PTPRM: variants seen among roughly 807,000 people sequenced by gnomAD.
PTPRM encodes receptor-type tyrosine-protein phosphatase mu.
In PTPRM, 47 loss-of-function variants were observed where a neutral mutation model predicts 186.7. The ratio of observed to expected loss-of-function variants is 0.25; its 90% CI spans 0.20 to 0.32. The LOEUF (loss-of-function observed/expected upper bound fraction) is 0.32. Among genes scored for constraint, PTPRM ranks in the 10% least tolerant of loss-of-function variants. The probability of loss-of-function intolerance (pLI) is 1.00; values close to 1 mark genes in which losing one functional copy is unlikely to be tolerated. For missense variants in PTPRM, 1,494 were observed against 1,865.0 expected, an observed-to-expected ratio of 0.80 and a Z score of 3.66; for synonymous variants, 668 against 674.9, an observed-to-expected ratio of 0.99 and a Z score of 0.16.
chr18:8,271,401 T>A (rs1285759383), intron 19 of PTPRM, among the ~76,000 whole-genome samples: 5 of 151,966 alleles, frequency 3.3e-5, no homozygotes, highest in Non-Finnish European at 7.4e-5. Context: ...TGATATATAT[T>A]AAACATTGCT....
Position 8,001,188 on chromosome 18 carries a change from G to A in PTPRM, c.1132+45774G>A, listed in dbSNP as rs116127409. On this transcript the variant is annotated intron_variant, in intron 7 of 32. Coordinates refer to ENST00000580170, the MANE Select transcript of PTPRM (RefSeq NM_001105244.2). Reference sequence around the variant, plus strand: ...TCTTGCTGTCTCTGACAGCATTGGCGAGGGGTCTGAATTCGTTGCAAGTCT... The same window carrying A: ...TCTTGCTGTCTCTGACAGCATTGGCAAGGGGTCTGAATTCGTTGCAAGTCT... Among the ~76,000 whole-genome samples the A allele has an allele frequency of 6.2e-3, 950 of 152,268 alleles. 13 individuals carry two copies. The highest frequency in any genetic ancestry group is 0.021 in the African/African-American group (875 of 41,554).
chr18:7,964,985 G>GT (rs1295816031), intron 7 of PTPRM, among the ~76,000 whole-genome samples: 1 of 147,772 alleles, frequency 6.8e-6, no homozygotes. Flanking sequence ...CATGATAAGT[G>GT]TTTTTGACAC....
chr18:8,301,842 G>A lies in PTPRM; in HGVS notation c.2842+5387G>A, dbSNP rs116989237. ...GCAGGGAATGGAGATTGGTCAGGGTGGGTGATGTTTTTAGACTGTGGTCAA... is the reference window on the plus strand; with the variant it reads ...GCAGGGAATGGAGATTGGTCAGGGTAGGTGATGTTTTTAGACTGTGGTCAA... On this transcript the variant is annotated intron_variant, in intron 20 of 32. Coordinates refer to ENST00000580170, the MANE Select transcript of PTPRM (RefSeq NM_001105244.2). Among the ~76,000 whole-genome samples the A allele has an allele frequency of 3.0e-3, 459 of 152,342 alleles. 20 individuals are homozygous for A. The East Asian group carries it at 0.07, about 23-fold the overall frequency.
At chr18:7,710,683 C>T (rs1468961107) in intron 1 of PTPRM, among the ~76,000 whole-genome samples, 2 of 152,162 alleles carry the variant, frequency 1.3e-5, no homozygotes, top group Admixed American at 6.5e-5. Flanking sequence ...ATTTGATAAA[C>T]AAATTCAGTA....
chr18:7,865,391 A>G (rs1307258045), intron 2 of PTPRM, among the ~76,000 whole-genome samples: 3 of 152,214 alleles, frequency 2.0e-5, no homozygotes, highest in Non-Finnish European at 4.4e-5. Flanking sequence ...AGTTTTTAGC[A>G]TAAAGGGTGT....
intron 7 of PTPRM, among the ~76,000 whole-genome samples, chr18:7,982,087 A>C (rs1156270644): frequency 6.6e-6 from 1 of 152,088 alleles, no homozygotes. Flanking sequence ...TATTTTTTTA[A>C]ATTTGTGTCT....
chr18:8,342,639 C>T (rs1431740118), intron 22 of PTPRM, among the ~76,000 whole-genome samples: 8 of 152,136 alleles, frequency 5.3e-5, no homozygotes, highest in East Asian at 1.9e-4. Context: ...AAGATTTCTA[C>T]GCTTACATTT....
intron 2 of PTPRM, among the ~76,000 whole-genome samples, chr18:7,809,679 A>G (rs962612572): frequency 6.6e-6 from 1 of 152,054 alleles, no homozygotes; most frequent in Non-Finnish European, 1.5e-5. Context: ...CCGTAAGCTC[A>G]TCCTCTGCCC....
intron 1 of PTPRM, among the ~76,000 whole-genome samples, chr18:7,611,371 C>A (rs2037669251): frequency 6.6e-6 from 1 of 152,198 alleles, no homozygotes; most frequent in Non-Finnish European, 1.5e-5. Flanking sequence ...CACTCACTGA[C>A]CCATCCAGAG....
chr18:8,283,348 T>G (rs1289364801), intron 19 of PTPRM, among the ~76,000 whole-genome samples: 1 of 152,238 alleles, frequency 6.6e-6, no homozygotes. Context: ...TTAGTATAAT[T>G]TAAAATTTAT....
intron 1 of PTPRM, among the ~76,000 whole-genome samples, chr18:7,569,995 G>A (rs367868017): frequency 9.9e-5 from 15 of 152,110 alleles, no homozygotes; most frequent in African/African-American, 2.7e-4. Context: ...GTGTGGTGGC[G>A]TGTGACTGTA....
chr18:7,571,094 A>C (rs1374111929), intron 1 of PTPRM, among the ~76,000 whole-genome samples: 1 of 151,976 alleles, frequency 6.6e-6, no homozygotes, highest in Non-Finnish European at 1.5e-5. Context: ...GTGCACCACC[A>C]CCACCGCCAG....
At chr18:8,236,787 C>T (rs1245600644) in intron 14 of PTPRM, among the ~76,000 whole-genome samples, 1 of 152,182 alleles carries the variant, frequency 6.6e-6, no homozygotes, top group Non-Finnish European at 1.5e-5. Flanking sequence ...AGCAGTCCAC[C>T]TGCCTCTGCT....
chr18:7,801,071 A>T (rs1006264377), intron 2 of PTPRM, among the ~76,000 whole-genome samples: 1 of 152,176 alleles, frequency 6.6e-6, no homozygotes, highest in African/African-American at 2.4e-5. Flanking sequence ...ACTACTGTGG[A>T]TTTTATAAAC....
intron 5 of PTPRM, among the ~76,000 whole-genome samples, chr18:7,930,757 G>C (rs1479949264): frequency 6.6e-6 from 1 of 152,096 alleles, no homozygotes; most frequent in African/African-American, 2.4e-5. Flanking sequence ...ATCCATACCT[G>C]TGAAAATGGC....
chr18:8,379,757 C>G (rs1219917313), intron 28 of PTPRM, among the ~76,000 whole-genome samples: 1 of 152,164 alleles, frequency 6.6e-6, no homozygotes, highest in African/African-American at 2.4e-5. Context: ...TATTGCTATT[C>G]CGTTGATGCA....
At chr18:8,373,166 T>C (rs2095674055) in intron 24 of PTPRM, among the ~76,000 whole-genome samples, 1 of 152,236 alleles carries the variant, frequency 6.6e-6, no homozygotes, top group South Asian at 2.1e-4. Context: ...TCATTAGTAC[T>C]TTTGTAGAGC....
intron 13 of PTPRM, among the ~76,000 whole-genome samples, chr18:8,138,926 G>C (rs1191519508): frequency 6.6e-6 from 1 of 151,966 alleles, no homozygotes; most frequent in Non-Finnish European, 1.5e-5. Context: ...TATTCGCCTG[G>C]ACATCCGCCT....
At chr18:8,342,011 G>A (rs1465053093) in intron 22 of PTPRM, among the ~76,000 whole-genome samples, 1 of 152,196 alleles carries the variant, frequency 6.6e-6, no homozygotes, top group East Asian at 1.9e-4. Flanking sequence ...GACATCAGGA[G>A]AGCAAGTCAG....
Sources: allele counts gnomAD v4.1 joint callset (sites outside exome capture counted in the v4.1 genomes callset), GRCh38; gene constraint gnomAD v4.1.1; transcripts MANE v1.5; gene names NCBI Gene and HGNC (gene_info 2026-07-23, HGNC 2026-07-21).